The following DCDC1 variants were observed in gnomAD, a reference collection of about 807,000 sequenced individuals.
DCDC1 encodes doublecortin domain-containing protein 1.
A neutral mutation model predicts 178.3 loss-of-function variants in DCDC1; 200 were observed. That is an observed-to-expected ratio of 1.12 (90% CI 1.00 to 1.26). The LOEUF is 1.26. DCDC1 is among the 50% of genes most tolerant of loss of function. DCDC1 has a pLI of 0.00. For synonymous variants in DCDC1, 690 were observed against 604.8 expected, an observed-to-expected ratio of 1.14 and a Z score of -2.07; for missense variants, 1,983 against 1,749.2, an observed-to-expected ratio of 1.13 and a Z score of -2.38.
chr11:31,065,077 A>T lies in DCDC1; in HGVS notation c.2375T>A (p.Ile792Asn). The T allele has an allele frequency of 1.3e-6, 1 of 765,504 alleles. No homozygotes were observed. Among genetic ancestry groups the T allele is most frequent in the Non-Finnish European group, 2.4e-6 (1 of 417,480 alleles). The allele number at this position is 765,504 out of a possible 1,614,324, so 47.4% of individuals were successfully genotyped here. The change falls in exon 19 of 39, where the codon ATT (isoleucine) becomes AAT (asparagine). Residue 792 changes from isoleucine (I) to asparagine (N), a missense_variant. By Grantham distance (149) the Ile-to-Asn change is moderately radical. Coordinates refer to ENST00000684477, the MANE Select transcript of DCDC1 (RefSeq NM_001387274.1). ...AGCTGTGGTCCAGGCACCATGGTGA[A>T]TGTGATACTCTGTCTGGGTCACATC... Reference protein sequence around the residue: ...QVDVTQTEYHIHHGAWTTAHQ... With the variant: ...QVDVTQTEYHNHHGAWTTAHQ...
intron 10 of DCDC1, among the ~76,000 whole-genome samples, chr11:31,131,655 A>G (rs1962455895): frequency 6.6e-6 from 1 of 152,196 alleles, no homozygotes; most frequent in Admixed American, 6.5e-5. Flanking sequence ...AAGGCCCTAA[A>G]TAGAAGGACT....
intron 20 of DCDC1, among the ~76,000 whole-genome samples, chr11:31,004,518 G>GGA (rs1555004318): frequency 7.2e-6 from 1 of 138,266 alleles, no homozygotes; most frequent in African/African-American, 2.7e-5. Context: ...CTAAACATAC[G>GGA]AAAAAAAAAA....
rs751664152 is a variant in DCDC1 at position 30,925,368 on chromosome 11, A to G, written c.2938T>C (p.Leu980=). The G allele has an allele frequency of 2.9e-5, 46 of 1,613,552 alleles. No homozygotes were observed. The highest frequency in any genetic ancestry group is 3.6e-5 in the Non-Finnish European group (43 of 1,179,782). The change falls in exon 23 of 39, where the codon TTG becomes CTG. Residue 980 remains leucine (L), a synonymous_variant. Coordinates refer to ENST00000684477, the MANE Select transcript of DCDC1 (RefSeq NM_001387274.1). ...ILNLPSAARR[L]YNEKGKEIFA... ...ATTTCCTTCCCCTTTTCATTGTACA[A>G]TCTCCGAGCTGCAGAAGGTAAATTT...
At chr11:31,122,167 G>A (rs966992499) in intron 11 of DCDC1, among the ~76,000 whole-genome samples, 8 of 152,062 alleles carry the variant, frequency 5.3e-5, no homozygotes, top group Non-Finnish European at 8.8e-5. Flanking sequence ...GGTACACTGC[G>A]GCCTTTGCTC....
At chr11:31,140,869 A>G (rs970995630) in intron 9 of DCDC1, among the ~76,000 whole-genome samples, 2 of 152,328 alleles carry the variant, frequency 1.3e-5, no homozygotes, top group South Asian at 4.1e-4. Flanking sequence ...TATTAATACT[A>G]AGGTGTCAGG....
At chr11:31,044,383 A>T (rs1203003439) in intron 20 of DCDC1, among the ~76,000 whole-genome samples, 1 of 150,820 alleles carries the variant, frequency 6.6e-6, no homozygotes, top group African/African-American at 2.4e-5. Flanking sequence ...AGGCTGAGGC[A>T]GGAGAATGGG....
At chr11:31,361,249 CATAA>C (rs1307658369) in intron 1 of DCDC1, among the ~76,000 whole-genome samples, 1 of 152,108 alleles carries the variant, frequency 6.6e-6, no homozygotes, top group East Asian at 1.9e-4. Flanking sequence ...TTACCTTCTT[CATAA>C]ATAAAGATCC....
chr11:31,269,475 C>T (rs1227255748), intron 7 of DCDC1, among the ~76,000 whole-genome samples: 1 of 151,858 alleles, frequency 6.6e-6, no homozygotes, highest in Non-Finnish European at 1.5e-5. Context: ...CTCAACTTCC[C>T]AGGCTCAGGC....
intron 8 of DCDC1, among the ~76,000 whole-genome samples, chr11:31,260,983 G>T (rs1273095676): frequency 6.6e-6 from 1 of 152,124 alleles, no homozygotes; most frequent in Non-Finnish European, 1.5e-5. Flanking sequence ...AGCCAAAAGG[G>T]TAGGGGTAGA....
At chr11:31,118,085 T>C (rs576343905) in intron 11 of DCDC1, among the ~76,000 whole-genome samples, 3 of 152,234 alleles carry the variant, frequency 2.0e-5, no homozygotes, top group South Asian at 4.1e-4. Flanking sequence ...AAAAACATAG[T>C]CATGTGCCCC....
At chr11:31,330,227 G>A (rs889191282) in intron 2 of DCDC1, among the ~76,000 whole-genome samples, 28 of 133,492 alleles carry the variant, frequency 2.1e-4, no homozygotes, top group Admixed American at 4.0e-4. Context: ...CATATCCTAC[G>A]CCCACTTTTT....
At chr11:31,144,432 C>T (rs544041944) in intron 9 of DCDC1, among the ~76,000 whole-genome samples, 2 of 152,222 alleles carry the variant, frequency 1.3e-5, no homozygotes, top group East Asian at 1.9e-4. Context: ...CCACCGTGCC[C>T]GGCCAAAGAC....
chr11:30,872,817 C>G (rs944192879), intron 38 of DCDC1, among the ~76,000 whole-genome samples: 1 of 152,038 alleles, frequency 6.6e-6, no homozygotes, highest in African/African-American at 2.4e-5. Context: ...CTTCATAAGA[C>G]TTAACACAAT....
At chr11:31,032,588 T>C (rs1458155181) in intron 20 of DCDC1, among the ~76,000 whole-genome samples, 1 of 151,398 alleles carries the variant, frequency 6.6e-6, no homozygotes, top group Non-Finnish European at 1.5e-5. Context: ...AAAATACTAA[T>C]GAGACAGTGT....
intron 8 of DCDC1, 178 bp from the exon 9 acceptor site, chr11:31,241,794 T>A (rs900237680): frequency 8.2e-6 from 3 of 368,042 alleles, no homozygotes; most frequent in African/African-American, 6.3e-5. Context: ...AGGATGTATT[T>A]ATATTGAGAC....
At chr11:30,991,203 T>C (rs1347583842) in intron 20 of DCDC1, among the ~76,000 whole-genome samples, 1 of 152,080 alleles carries the variant, frequency 6.6e-6, no homozygotes, top group East Asian at 1.9e-4. Flanking sequence ...GAGAAGGCTA[T>C]GAGAGCCTGC....
chr11:31,311,518 AT>A (rs1463864387), intron 3 of DCDC1, among the ~76,000 whole-genome samples: 1 of 152,206 alleles, frequency 6.6e-6, no homozygotes, highest in African/African-American at 2.4e-5. Context: ...CACTGCTCTG[AT>A]TCTTTTGATT....
At chr11:31,206,302 G>A (rs1281667182) in intron 9 of DCDC1, among the ~76,000 whole-genome samples, 2 of 152,172 alleles carry the variant, frequency 1.3e-5, no homozygotes, top group East Asian at 3.9e-4. Flanking sequence ...CAGGCAAAGT[G>A]AAATACAAAG....
intron 10 of DCDC1, among the ~76,000 whole-genome samples, chr11:31,130,452 C>T (rs1304281677): frequency 3.3e-5 from 5 of 152,118 alleles, no homozygotes; most frequent in Non-Finnish European, 5.9e-5. Context: ...CCCACCCCAC[C>T]CCATGAAAAC....
Sources: allele counts gnomAD v4.1 joint callset (sites outside exome capture counted in the v4.1 genomes callset), GRCh38; gene constraint gnomAD v4.1.1; transcripts MANE v1.5; gene names NCBI Gene and HGNC (gene_info 2026-07-23, HGNC 2026-07-21).